The following MITF variants were observed in gnomAD, a reference collection of about 807,000 sequenced individuals.
MITF encodes microphthalmia-associated transcription factor.
Under a neutral mutation model 60.5 loss-of-function variants are expected in MITF, and 17 were observed. That is an observed-to-expected ratio of 0.28 (90% CI 0.19 to 0.42). The LOEUF is 0.42. Ranked by LOEUF, MITF falls within the 10% of genes least tolerant of loss-of-function variation. MITF has a pLI of 1.00. For missense variants in MITF, 622 were observed against 683.5 expected, an observed-to-expected ratio of 0.91 and a Z score of 1.00; for synonymous variants, 260 against 248.5, an observed-to-expected ratio of 1.05 and a Z score of -0.43.
chr3:69,740,964 C>G (rs1300487011), intron 1 of MITF, among the ~76,000 whole-genome samples: 1 of 152,164 alleles, frequency 6.6e-6, no homozygotes, highest in Admixed American at 6.5e-5. Context: ...GAAAGTGCAG[C>G]CAGGTTTATT....
intron 2 of MITF, among the ~76,000 whole-genome samples, chr3:69,908,010 A>C (rs1055569937): frequency 6.6e-6 from 1 of 152,194 alleles, no homozygotes; most frequent in African/African-American, 2.4e-5. Context: ...GTAAACCAAA[A>C]TATCCAGCTT....
chr3:69,910,771 C>T (rs79779888), intron 2 of MITF, among the ~76,000 whole-genome samples: 2,346 of 152,274 alleles, frequency 0.015, 28 homozygotes, highest in Middle Eastern at 0.051. Context: ...TTACCCAGTA[C>T]CTATACCCCC....
intron 2 of MITF, among the ~76,000 whole-genome samples, chr3:69,902,368 A>G (rs952418246): frequency 2.6e-5 from 4 of 152,170 alleles, no homozygotes; most frequent in Admixed American, 1.3e-4. Context: ...CTGAAAACAT[A>G]TCTATTTGGC....
In MITF at chr3:69,922,222, A is replaced by C. The variant is rs115240908; in HGVS notation, c.355-15600A>C. On this transcript the variant is annotated intron_variant, in intron 2 of 9. Transcript: ENST00000352241. ...ATATATAGAGATTTGAGGATTGACT[A>C]TGCCATTGCTTTTTTTTTCAGACGG... 2.7e-3 allele frequency among the ~76,000 whole-genome samples: 408 copies of C among 152,098 alleles called. 1 individual carries two copies. Among genetic ancestry groups the C allele is most frequent in the African/African-American group, 9.6e-3 (398 of 41,504 alleles).
intron 5 of MITF, among the ~76,000 whole-genome samples, chr3:69,948,354 A>T (rs2066151252): frequency 6.6e-6 from 1 of 152,072 alleles, no homozygotes; most frequent in Admixed American, 6.6e-5. Flanking sequence ...TCAGAACTAG[A>T]GGAAAAACTC....
In MITF at chr3:69,939,146, G is replaced by T. The variant is rs755420920; in HGVS notation, c.631G>T (p.Gly211Cys). 1.1e-5 allele frequency: 17 copies of T among 1,614,084 alleles called. No individual in the cohort carries two copies. Among genetic ancestry groups the T allele is most frequent in the Non-Finnish European group, 1.4e-5 (16 of 1,179,996 alleles). Residue 211 changes from glycine to cysteine, a missense_variant, in exon 4 of 10, where the codon GGC becomes TGC. Physicochemically the swap from Gly to Cys is radical, Grantham distance 159. Coordinates refer to ENST00000352241, the MANE Select transcript of MITF (RefSeq NM_001354604.2). ...AAACAGGGCAGAGAGCGAGTGCCCA[G>T]GCATGAACACACATTCACGAGCGTC... ...EQNRAESECP[G>C]MNTHSRASCM...
intron 2 of MITF, among the ~76,000 whole-genome samples, chr3:69,906,245 T>C (rs2065096276): frequency 6.6e-6 from 1 of 152,162 alleles, no homozygotes; most frequent in Non-Finnish European, 1.5e-5. Context: ...CCTTTGTATG[T>C]TTGTCAGAAA....
intron 1 of MITF, among the ~76,000 whole-genome samples, chr3:69,810,410 G>A: frequency 6.6e-6 from 1 of 152,162 alleles, no homozygotes; most frequent in East Asian, 1.9e-4. Flanking sequence ...GCTGTAAGCT[G>A]GGTTCTTGGA....
intron 7 of MITF, among the ~76,000 whole-genome samples, chr3:69,955,452 G>T (rs975388467): frequency 1.3e-5 from 2 of 152,068 alleles, no homozygotes; most frequent in African/African-American, 4.8e-5. Context: ...TTTCTGTTGG[G>T]TAGCACTAGG....
chr3:69,792,275 A>G (rs895862617), intron 1 of MITF, among the ~76,000 whole-genome samples: 6 of 152,146 alleles, frequency 3.9e-5, no homozygotes, highest in Non-Finnish European at 7.4e-5. Context: ...CTTCAATTTT[A>G]TTTCACTGCT....
chr3:69,841,719 T>C (rs1438231318), intron 1 of MITF, among the ~76,000 whole-genome samples: 1 of 152,242 alleles, frequency 6.6e-6, no homozygotes, highest in Non-Finnish European at 1.5e-5. Context: ...AATTTGGCAG[T>C]ACTTCTTTTC....
chr3:69,825,266 C>T (rs973851206), intron 1 of MITF, among the ~76,000 whole-genome samples: 1 of 152,076 alleles, frequency 6.6e-6, no homozygotes, highest in African/African-American at 2.4e-5. Flanking sequence ...TTCAAAGGAG[C>T]GTGAAATCAG....
At chr3:69,868,324 A>G (rs2064155237) in intron 1 of MITF, among the ~76,000 whole-genome samples, 1 of 152,196 alleles carries the variant, frequency 6.6e-6, no homozygotes, top group Non-Finnish European at 1.5e-5. Flanking sequence ...ACCATGCCCA[A>G]GTGATACAGC....
Position 69,939,166 on chromosome 3 carries a change from A to C in MITF, c.651A>C (p.Arg217=), listed in dbSNP as rs1315093654. ...SECPGMNTHS[R]ASCMQMDDVI... The stretch of plus-strand genomic sequence containing the variant: ...GCCCAGGCATGAACACACATTCACG[A>C]GCGTCCTGTATGCAGGTACTGAATG... The change falls in exon 4 of 10, where the codon CGA becomes CGC. Residue 217 remains arginine, a synonymous_variant. Coordinates refer to ENST00000352241, the MANE Select transcript of MITF (RefSeq NM_001354604.2). 1.9e-6 allele frequency: 3 copies of C among 1,614,084 alleles called. No individual in the cohort carries two copies.
At chr3:69,775,463 G>A (rs1357850773) in intron 1 of MITF, among the ~76,000 whole-genome samples, 1 of 152,128 alleles carries the variant, frequency 6.6e-6, no homozygotes, top group Non-Finnish European at 1.5e-5. Context: ...CAAGTCTGTG[G>A]CCTTCTGGAA....
At chr3:69,857,274 G>A (rs546457770) in intron 1 of MITF, among the ~76,000 whole-genome samples, 30 of 151,994 alleles carry the variant, frequency 2.0e-4, no homozygotes, top group African/African-American at 7.0e-4. Flanking sequence ...GGAAAGTGTG[G>A]GCTCTGGAGT....
At chr3:69,836,156 G>T (rs2063537020) in intron 1 of MITF, among the ~76,000 whole-genome samples, 1 of 151,756 alleles carries the variant, frequency 6.6e-6, no homozygotes. Flanking sequence ...TTTCTTCCTT[G>T]TTTTATAGTT....
At chr3:69,926,127 T>C (rs2065580467) in intron 2 of MITF, among the ~76,000 whole-genome samples, 1 of 152,184 alleles carries the variant, frequency 6.6e-6, no homozygotes, top group African/African-American at 2.4e-5. Flanking sequence ...GCACAGTGCA[T>C]GCCCCAGTCG....
intron 1 of MITF, among the ~76,000 whole-genome samples, chr3:69,754,239 CAG>C (rs1296407648): frequency 6.7e-6 from 1 of 150,150 alleles, no homozygotes; most frequent in African/African-American, 2.5e-5. Flanking sequence ...TTTTTTGAGA[CAG>C]AGTCTCACTC....
Sources: gnomAD v4.1 joint callset for allele counts (sites outside exome capture counted in the v4.1 genomes callset) on GRCh38, gnomAD v4.1.1 for gene constraint, MANE v1.5 for transcripts, NCBI Gene and HGNC (gene_info 2026-07-23, HGNC 2026-07-21) for gene names.